ERCC6: variants seen among roughly 807,000 people sequenced by gnomAD.
ERCC6 encodes ERCC excision repair 6, chromatin remodeling factor, also known as DNA excision repair protein ERCC-6.
Under a neutral mutation model 158.7 loss-of-function variants are expected in ERCC6, and 116 were observed. The ratio of observed to expected loss-of-function variants is 0.73; its 90% CI spans 0.63 to 0.85. ERCC6 has a LOEUF of 0.85. Ranked by LOEUF, ERCC6 falls within the 40% of genes least tolerant of loss-of-function variation. ERCC6 has a pLI of 0.00. For missense variants in ERCC6, 1,698 were observed against 1,799.4 expected (o/e 0.94, Z 1.02); for synonymous variants, 678 against 659.3 (o/e 1.03, Z -0.43).
At chr10:49,528,290 T>C (rs1215874002) in intron 4 of ERCC6, 127 bp downstream of exon 4, 1 of 1,130,244 alleles carries the variant, frequency 8.8e-7, no homozygotes, top group African/African-American at 1.5e-5. Context: ...TAAATCTGTT[T>C]TGACACTAAG....
chr10:49,446,281 A>G, the ERCC6 span, among the ~76,000 whole-genome samples: 1 of 151,810 alleles, frequency 6.6e-6, no homozygotes, highest in African/African-American at 2.4e-5. Flanking sequence ...TGTGAGGGAG[A>G]GCCAGCAGAC....
intron 6 of ERCC6, chr10:49,502,082 T>C (rs1851365444): frequency 6.6e-6 from 1 of 152,184 alleles, no homozygotes; most frequent in Non-Finnish European, 1.5e-5. Flanking sequence ...AAATACTTAC[T>C]ATCTGGTACC....
chr10:49,534,956 C>A (rs1475369956), intron 1 of ERCC6, among the ~76,000 whole-genome samples: 1 of 152,188 alleles, frequency 6.6e-6, no homozygotes, highest in East Asian at 1.9e-4. Context: ...CAGAGCAGGG[C>A]AGGTCAGCTA....
Position 49,530,832 on chromosome 10 carries a change from G to T in ERCC6, c.431C>A (p.Thr144Lys). The change falls in exon 3 of 21, where the codon ACG (threonine) becomes AAG (lysine). Residue 144 changes from threonine (T) to lysine (K), a missense_variant. By Grantham distance (78) the Thr-to-Lys change is moderately conservative. Transcript: ENST00000355832. Reference sequence around the variant, plus strand: ...TTTATTGATTTGCCTTAGGGATGTCGTACATGACCTGAAAAATAAGATAAA... The same window carrying T: ...TTTATTGATTTGCCTTAGGGATGTCTTACATGACCTGAAAAATAAGATAAA... ...RSVLDDLTSC[T>K]TSLRQINKII... The T allele has an allele frequency of 6.2e-7, 1 of 1,613,192 alleles. No individual in the cohort carries two copies. The highest frequency in any genetic ancestry group is 1.3e-5 in the African/African-American group (1 of 74,964).
chr10:49,530,462 T>G (rs1315811967), intron 3 of ERCC6, among the ~76,000 whole-genome samples: 6 of 152,198 alleles, frequency 3.9e-5, no homozygotes, highest in African/African-American at 1.4e-4. Flanking sequence ...GATGTAACCC[T>G]GTTGTAAATC....
At chr10:49,520,498 T>C (rs1260729855) in intron 5 of ERCC6, among the ~76,000 whole-genome samples, 2 of 152,174 alleles carry the variant, frequency 1.3e-5, no homozygotes, top group Non-Finnish European at 2.9e-5. Flanking sequence ...ATGCATTTTC[T>C]CACTCAGGAT....
intron 5 of ERCC6, among the ~76,000 whole-genome samples, chr10:49,509,303 C>T (rs1345579625): frequency 6.6e-6 from 1 of 152,168 alleles, no homozygotes; most frequent in Non-Finnish European, 1.5e-5. Flanking sequence ...TTTCTGAAAT[C>T]CTCACGACAA....
At chr10:49,443,994 A>G in the ERCC6 span, among the ~76,000 whole-genome samples, 3 of 152,168 alleles carry the variant, frequency 2.0e-5, no homozygotes, top group African/African-American at 7.2e-5. Context: ...TGAATCAAAA[A>G]CCACATAGGA....
intron 5 of ERCC6, among the ~76,000 whole-genome samples, chr10:49,512,119 A>G (rs139138000): frequency 6.6e-6 from 1 of 152,204 alleles, no homozygotes; most frequent in Non-Finnish European, 1.5e-5. Flanking sequence ...CAAAACACCT[A>G]TTGCAGTCTT....
chr10:49,486,498 A>G (rs1175927050), intron 8 of ERCC6, among the ~76,000 whole-genome samples: 2 of 152,260 alleles, frequency 1.3e-5, no homozygotes, highest in Admixed American at 1.3e-4. Flanking sequence ...AACTCTTTGG[A>G]AAGACTAAAC....
At chr10:49,463,994 A>G (rs1850628007) in intron 18 of ERCC6, among the ~76,000 whole-genome samples, 1 of 152,240 alleles carries the variant, frequency 6.6e-6, no homozygotes, top group African/African-American at 2.4e-5. Context: ...TCCTGAAAAG[A>G]TATCCCAAAA....
chr10:49,528,643 T>C, intron 3 of ERCC6, 118 bp from the exon 4 acceptor site: 1 of 1,304,964 alleles, frequency 7.7e-7, no homozygotes, highest in East Asian at 2.5e-5. Context: ...ATAATATACA[T>C]TACATAAAAA....
chr10:49,487,203 CT>C (rs1169737529), intron 8 of ERCC6, among the ~76,000 whole-genome samples: 2 of 152,168 alleles, frequency 1.3e-5, no homozygotes, highest in Non-Finnish European at 2.9e-5. Flanking sequence ...GAGACATTGT[CT>C]TCTCATATGT....
downstream of ERCC6, among the ~76,000 whole-genome samples, chr10:49,453,461 C>G (rs1850442858): frequency 2.0e-5 from 3 of 152,112 alleles, no homozygotes; most frequent in Admixed American, 6.5e-5. Flanking sequence ...CTCCTTTGTG[C>G]TGTTTTGACA....
Position 49,532,947 on chromosome 10 carries a change from G to T in ERCC6, c.18C>A (p.Ile6=), listed in dbSNP as rs577145652. 6.2e-7 allele frequency: 1 copy of T among 1,614,194 alleles called. No homozygotes were observed. Among genetic ancestry groups the T allele is most frequent in the South Asian group, 1.1e-5 (1 of 91,080 alleles). Residue 6 remains isoleucine, a synonymous_variant, in exon 2 of 21, where the codon ATC becomes ATA. Coordinates refer to ENST00000355832, the MANE Select transcript of ERCC6 (RefSeq NM_000124.4). ...GCTCCTGAGTTTGACTTGAGTGGGG[G>T]ATTCCCTCATTTGGCATTCTCTACA... is the stretch of plus-strand genomic sequence containing the variant. MPNEG[I]PHSSQTQEQD...
At position 49,470,791 on chromosome 10, in the gene ERCC6, G is replaced by A. The variant is rs200885276; in HGVS notation, c.3169C>T (p.Pro1057Ser). The change falls in exon 18 of 21, where the codon CCT becomes TCT. Residue 1057 changes from proline (P) to serine (S), a missense_variant. Coordinates refer to ENST00000355832, the MANE Select transcript of ERCC6 (RefSeq NM_000124.4). The part of the protein sequence containing the change: ...DHDVPKRKKF[P>S]ASNISVNDAT... Reference sequence around the variant, plus strand: ...TCATTTACAGATATGTTAGAAGCAGGGAACTTCTTGCGTTTTGGAACATCA... The same window carrying A: ...TCATTTACAGATATGTTAGAAGCAGAGAACTTCTTGCGTTTTGGAACATCA... 2.5e-6 allele frequency: 4 copies of A among 1,614,004 alleles called. No homozygotes were observed. The highest frequency in any genetic ancestry group is 1.3e-5 in the African/African-American group (1 of 74,910).
chr10:49,469,467 T>G (rs1301223488), intron 18 of ERCC6, among the ~76,000 whole-genome samples: 1 of 152,122 alleles, frequency 6.6e-6, no homozygotes, highest in African/African-American at 2.4e-5. Context: ...TATAGGAGAG[T>G]TCTTCGTATT....
At chr10:49,517,016 A>T (rs368221420) in intron 5 of ERCC6, 127 of 1,614,000 alleles carry the variant, frequency 7.9e-5, no homozygotes, top group Non-Finnish European at 9.9e-5. Context: ...CAGGTGCTGT[A>T]GCATTTTCAG....
chr10:49,453,539 T>C (rs1354454699), downstream of ERCC6, among the ~76,000 whole-genome samples: 1 of 152,230 alleles, frequency 6.6e-6, no homozygotes, highest in African/African-American at 2.4e-5. Flanking sequence ...TTTGATACAG[T>C]TGCATTTTAA....
Sources: gnomAD v4.1 joint callset for allele counts (sites outside exome capture counted in the v4.1 genomes callset) on GRCh38, gnomAD v4.1.1 for gene constraint, MANE v1.5 for transcripts, NCBI Gene and HGNC (gene_info 2026-07-23, HGNC 2026-07-21) for gene names.